ERBB4: variants seen among roughly 807,000 people sequenced by gnomAD.
The protein encoded by ERBB4 is erb-b2 receptor tyrosine kinase 4, also known as receptor tyrosine-protein kinase erbB-4.
ERBB4 carries 42 observed loss-of-function variants against 158.0 expected under a neutral mutation model. The observed-to-expected ratio is 0.27, with a 90% CI of 0.21 to 0.34. ERBB4 has a LOEUF of 0.34. Among genes scored for constraint, ERBB4 ranks in the 10% least tolerant of loss-of-function variants. The pLI, the probability that ERBB4 is intolerant of heterozygous loss-of-function variation, is 1.00. For synonymous variants in ERBB4, 583 were observed against 558.7 expected (o/e 1.04, Z -0.61); for missense variants, 1,333 against 1,624.1 (o/e 0.82, Z 3.08).
intron 9 of ERBB4, 57 bp from the exon 10 acceptor site, chr2:211,705,448 A>G (rs901829118): frequency 1.6e-5 from 17 of 1,094,514 alleles, no homozygotes; most frequent in Non-Finnish European, 2.4e-5. Context: ...GATTGAAAAT[A>G]TGAGAAATGT....
intron 5 of ERBB4, among the ~76,000 whole-genome samples, chr2:211,732,680 C>T (rs182578422): frequency 2.1e-4 from 32 of 152,268 alleles, no homozygotes; most frequent in African/African-American, 6.5e-4. Context: ...AGGGCCAGGC[C>T]GGACATGGTG....
intron 1 of ERBB4, among the ~76,000 whole-genome samples, chr2:212,265,662 G>A (rs1470456310): frequency 2.6e-5 from 4 of 151,926 alleles, no homozygotes; most frequent in Non-Finnish European, 4.4e-5. Flanking sequence ...ACTTATTAAT[G>A]TAACTTAAAA....
chr2:212,031,654 T>A (rs2076905541), intron 2 of ERBB4, among the ~76,000 whole-genome samples: 1 of 152,130 alleles, frequency 6.6e-6, no homozygotes. Flanking sequence ...TACCTGTTTT[T>A]ATGGTTTAAT....
intron 1 of ERBB4, among the ~76,000 whole-genome samples, chr2:212,238,051 C>A (rs971486894): frequency 6.6e-6 from 1 of 152,242 alleles, no homozygotes; most frequent in East Asian, 1.9e-4. Flanking sequence ...GACCACTTAA[C>A]TCCTGGGCTT....
At position 211,381,428 on chromosome 2, in the gene ERBB4, T is replaced by TTAAC; in HGVS notation, c.*2183_*2186dup. The TTAAC allele has an allele frequency of 4.3e-6, 1 of 232,144 alleles. No homozygotes were observed. Among genetic ancestry groups the TTAAC allele is most frequent in the Non-Finnish European group, 8.5e-6 (1 of 117,394 alleles). 14.4% of individuals were successfully genotyped at this position (232,144 alleles called of 1,614,324 possible). On this transcript the variant is annotated 3_prime_UTR_variant, in exon 28 of 28. Coordinates refer to ENST00000342788, the MANE Select transcript of ERBB4 (RefSeq NM_005235.3). ...TCAACATCAACAATTTGAAGGATGT[T>TTAAC]TAACTTATATCCCAAATGAGTTTAA...
At chr2:212,529,109 C>T (rs1029190105) in intron 1 of ERBB4, among the ~76,000 whole-genome samples, 1 of 152,056 alleles carries the variant, frequency 6.6e-6, no homozygotes, top group African/African-American at 2.4e-5. Flanking sequence ...ATCTATTCTT[C>T]TTTAAAGAAA....
chr2:211,486,601 C>T (rs1276871808), intron 20 of ERBB4, among the ~76,000 whole-genome samples: 5 of 151,658 alleles, frequency 3.3e-5, no homozygotes, highest in South Asian at 2.1e-4. Flanking sequence ...GGTGTAGGTT[C>T]GGAGCCTTGG....
chr2:211,458,089 G>GATATATCCATAGATATATCACTCTATC (rs2064429108), intron 20 of ERBB4, among the ~76,000 whole-genome samples: 1 of 152,048 alleles, frequency 6.6e-6, no homozygotes, highest in South Asian at 2.1e-4. Flanking sequence ...CCACTATAGT[G>GATATATCCATAGATATATCACTCTATC]ATATATCCAT....
chr2:211,762,924 T>C (rs367663166), intron 4 of ERBB4, among the ~76,000 whole-genome samples: 5 of 152,346 alleles, frequency 3.3e-5, no homozygotes, highest in African/African-American at 1.2e-4. Flanking sequence ...TATTATGTGA[T>C]TGATGGACTA....
In ERBB4 at chr2:212,262,429, C is replaced by A. The variant is rs551547182; in HGVS notation, c.83-137526G>T. ...ATGAGTGGCATTCTCCTGTCTTTGG[C>A]CCTTTTTTAAATATTATGAAGAGAA... On this transcript the variant is annotated intron_variant, in intron 1 of 27. Transcript: ENST00000342788. Among the ~76,000 whole-genome samples the A allele has an allele frequency of 2.0e-5, 3 of 151,906 alleles. No homozygotes were observed. The East Asian group carries it at 5.8e-4, about 29-fold the overall frequency.
chr2:211,685,441 T>C (rs1385392273), intron 12 of ERBB4, among the ~76,000 whole-genome samples: 1 of 152,176 alleles, frequency 6.6e-6, no homozygotes, highest in Non-Finnish European at 1.5e-5. Context: ...ATTGGGTATA[T>C]TTGTGTCAGT....
intron 2 of ERBB4, among the ~76,000 whole-genome samples, chr2:212,000,963 C>G (rs966946928): frequency 3.3e-5 from 5 of 151,812 alleles, no homozygotes; most frequent in Admixed American, 2.0e-4. Context: ...ATTTTGACAT[C>G]TCTCATTTTT....
Position 212,037,421 on chromosome 2 carries a change from A to G in ERBB4, c.234+87331T>C, listed in dbSNP as rs12989700. On this transcript the variant is annotated intron_variant, in intron 2 of 27. Coordinates refer to ENST00000342788, the MANE Select transcript of ERBB4 (RefSeq NM_005235.3). Reference sequence around the variant, plus strand: ...AACTGGATAATGAGAGTTACCAAGAAAAGGTAATGACAGCATCTCAAAAAC... The same window carrying G: ...AACTGGATAATGAGAGTTACCAAGAGAAGGTAATGACAGCATCTCAAAAAC... Among the ~76,000 whole-genome samples, 36 of 152,226 alleles carry G rather than the reference A, an allele frequency of 2.4e-4. 1 individual carries two copies. The highest frequency in any genetic ancestry group is 2.2e-4 in the African/African-American group (9 of 41,478).
intron 20 of ERBB4, among the ~76,000 whole-genome samples, chr2:211,510,416 T>C (rs2065858018): frequency 6.6e-6 from 1 of 152,196 alleles, no homozygotes; most frequent in East Asian, 1.9e-4. Flanking sequence ...ACCTCACCAT[T>C]ACGTGATATA....
At chr2:212,401,082 A>T (rs1044605202) in intron 1 of ERBB4, among the ~76,000 whole-genome samples, 1 of 152,162 alleles carries the variant, frequency 6.6e-6, no homozygotes, top group Admixed American at 6.6e-5. Context: ...TACGGTAAGC[A>T]TTAGCCTTAA....
intron 19 of ERBB4, among the ~76,000 whole-genome samples, chr2:211,581,502 A>T (rs1441848034): frequency 3.9e-5 from 6 of 152,104 alleles, no homozygotes; most frequent in Non-Finnish European, 8.8e-5. Context: ...AAATACAATA[A>T]AAAACTATGA....
intron 20 of ERBB4, among the ~76,000 whole-genome samples, chr2:211,449,175 C>T (rs1038836473): frequency 2.6e-5 from 4 of 152,034 alleles, no homozygotes; most frequent in Non-Finnish European, 5.9e-5. Flanking sequence ...TTTGGCTGAA[C>T]TAGATAAAAT....
intron 4 of ERBB4, among the ~76,000 whole-genome samples, chr2:211,761,198 A>G (rs1163045214): frequency 9.0e-6 from 1 of 110,592 alleles, no homozygotes; most frequent in East Asian, 4.1e-4. Context: ...CTCAAAAAAA[A>G]AAAAAAAAAA....
intron 1 of ERBB4, among the ~76,000 whole-genome samples, chr2:212,469,375 AG>A (rs767964741): frequency 6.6e-5 from 10 of 152,186 alleles, no homozygotes; most frequent in Admixed American, 2.0e-4. Flanking sequence ...AGAACTACTT[AG>A]GACAAATTTA....
Sources: allele counts gnomAD v4.1 joint callset (sites outside exome capture counted in the v4.1 genomes callset), GRCh38; gene constraint gnomAD v4.1.1; transcripts MANE v1.5; gene names NCBI Gene and HGNC (gene_info 2026-07-23, HGNC 2026-07-21).